USP25: variants seen among roughly 807,000 people sequenced by gnomAD.
USP25 encodes the protein ubiquitin specific peptidase 25.
A neutral mutation model predicts 158.5 loss-of-function variants in USP25; 85 were observed. That is an observed-to-expected ratio of 0.54 (90% CI 0.45 to 0.64). USP25 has a LOEUF of 0.64. Ranked by LOEUF, USP25 falls within the 30% of genes least tolerant of loss-of-function variation. The pLI is 0.00. For missense variants in USP25, 1,242 were observed against 1,327.3 expected, an observed-to-expected ratio of 0.94 and a Z score of 1.00; for synonymous variants, 464 against 460.4, an observed-to-expected ratio of 1.01 and a Z score of -0.10.
At chr21:15,846,146 A>T (rs1568882538) in intron 18 of USP25, among the ~76,000 whole-genome samples, 2 of 59,634 alleles carry the variant, frequency 3.4e-5, no homozygotes, top group African/African-American at 1.2e-4. Context: ...ATATATATAT[A>T]TATATATATA....
chr21:15,847,837 T>C (rs2038700551), intron 19 of USP25, 61 bp downstream of exon 19: 1 of 1,171,144 alleles, frequency 8.5e-7, no homozygotes, highest in African/African-American at 1.5e-5. Flanking sequence ...TACAAATACT[T>C]TGGGCATGCC....
intron 7 of USP25, among the ~76,000 whole-genome samples, chr21:15,807,749 GATCTC>G (rs2036463233): frequency 6.6e-6 from 1 of 152,138 alleles, no homozygotes; most frequent in Non-Finnish European, 1.5e-5. Context: ...AATCCAGGCT[GATCTC>G]ATCTCAAGAT....
At chr21:15,847,525 C>G in intron 18 of USP25, 138 bp from the exon 19 acceptor site, 1 of 579,570 alleles carries the variant, frequency 1.7e-6, no homozygotes, top group East Asian at 2.8e-5. Flanking sequence ...AGTGCATGTG[C>G]GTTGGAACTT....
intron 1 of USP25, among the ~76,000 whole-genome samples, chr21:15,750,214 GTTTTTTTTTT>G (rs35867462): frequency 6.2e-4 from 41 of 65,636 alleles, no homozygotes; most frequent in Non-Finnish European, 1.1e-3. Flanking sequence ...GTGTGTGTAT[GTTTTTTTTTT>G]TTTTTTTTTT....
In USP25 at chr21:15,866,364, G is replaced by C. The variant is rs183177406; in HGVS notation, c.2805+20G>C. On this transcript the variant is annotated intron_variant, in intron 22 of 25. Coordinates refer to ENST00000400183, the MANE Select transcript of USP25 (RefSeq NM_001283041.3). ...TATGAGGTAATGTGCTTTCTTAGAG[G>C]TTAAACTACAGATTTAGGGATTCTG... 1 of 1,558,944 alleles carries C rather than the reference G, an allele frequency of 6.4e-7. No homozygotes were observed. Among genetic ancestry groups the C allele is most frequent in the African/African-American group, 1.4e-5 (1 of 72,548 alleles).
At position 15,766,074 on chromosome 21, in the gene USP25, A is replaced by G. The variant is rs1183743565; in HGVS notation, c.201A>G (p.Thr67=). 4 of 1,611,038 alleles carry G rather than the reference A, an allele frequency of 2.5e-6. No homozygotes were observed. In the African/African-American group the frequency reaches 4.0e-5, roughly 16 times the overall value. The stretch of plus-strand genomic sequence containing the variant: ...CTAAGACCCCTCAGCAGGAGGAGAC[A>G]ACTTACTACCAAACAGCACTTCCTG... ...KNAKTPQQEE[T]TYYQTALPGN... Residue 67 remains threonine, a synonymous_variant, in exon 3 of 26, where the codon ACA becomes ACG. Coordinates refer to ENST00000400183, the MANE Select transcript of USP25 (RefSeq NM_001283041.3). The surrounding 1 kb of genome is among the most constrained non-coding windows in gnomAD (Gnocchi z 4.0).
In USP25 at chr21:15,794,300, G is replaced by A. The variant is rs565697481; in HGVS notation, c.555+2636G>A. Among the ~76,000 whole-genome samples, 6 of 151,710 alleles carry A rather than the reference G, an allele frequency of 4.0e-5. No homozygotes were observed. In the South Asian group the frequency reaches 1.2e-3, roughly 31 times the overall value. On this transcript the variant is annotated intron_variant, in intron 5 of 25. Transcript: ENST00000400183. Reference sequence around the variant, plus strand: ...AAGGGGGAACAGAATGTAAGAAAGGGAATATAAACAAAGAGAAGATTGTAC... The same window carrying A: ...AAGGGGGAACAGAATGTAAGAAAGGAAATATAAACAAAGAGAAGATTGTAC...
rs189333513 is a variant in USP25 at position 15,869,984 on chromosome 21, A to C, written c.2806-84A>C. On this transcript the variant is annotated intron_variant, in intron 22 of 25. Transcript: ENST00000400183. ...ATTTCTATTAATTCAGATAGTAGCG[A>C]AACAGTGCATTACTTTTTGTACAGT... 1,892 of 983,228 alleles carry C rather than the reference A, an allele frequency of 1.9e-3. 3 individuals carry two copies. The highest frequency in any genetic ancestry group is 2.4e-3 in the Non-Finnish European group (1,626 of 671,980). 60.9% of individuals were successfully genotyped at this position (983,228 alleles called of 1,614,324 possible).
chr21:15,810,116 A>G (rs1053125054), intron 8 of USP25, among the ~76,000 whole-genome samples: 6 of 152,260 alleles, frequency 3.9e-5, no homozygotes, highest in African/African-American at 1.4e-4. Context: ...GTACAGTTAA[A>G]GGGTTATGTA....
chr21:15,783,824 G>A (rs2035112654), intron 4 of USP25, among the ~76,000 whole-genome samples: 1 of 151,288 alleles, frequency 6.6e-6, no homozygotes, highest in Non-Finnish European at 1.5e-5. Flanking sequence ...CAAAAAATTA[G>A]CCAGGCATGG....
chr21:15,842,618 C>A, intron 18 of USP25, 78 bp downstream of exon 18: 1 of 1,543,944 alleles, frequency 6.5e-7, no homozygotes, highest in South Asian at 1.3e-5. Context: ...AGGGACCTGT[C>A]AGGGAGTCAG....
intron 18 of USP25, among the ~76,000 whole-genome samples, chr21:15,845,241 G>T (rs963180657): frequency 2.7e-4 from 41 of 152,106 alleles, no homozygotes; most frequent in African/African-American, 9.6e-4. Context: ...TGGATTTCAG[G>T]CAAGTCATAA....
intron 5 of USP25, among the ~76,000 whole-genome samples, chr21:15,795,323 T>C (rs2035807052): frequency 6.6e-6 from 1 of 151,652 alleles, no homozygotes. Flanking sequence ...AGTACTTTGT[T>C]ATCCTGGAGT....
chr21:15,879,909 A>G lies in USP25; in HGVS notation c.*1434A>G, dbSNP rs1296791166. On this transcript the variant is annotated 3_prime_UTR_variant, in exon 26 of 26. Coordinates refer to ENST00000400183, the MANE Select transcript of USP25 (RefSeq NM_001283041.3). ...TGTAAAGTTAGATTTTGCATATTGT[A>G]TCTATCAAAATATGTTTGGGTTTAG... 1 of 152,224 alleles carries G rather than the reference A, an allele frequency of 6.6e-6. No homozygotes were observed. Among genetic ancestry groups the G allele is most frequent in the African/African-American group, 2.4e-5 (1 of 41,462 alleles). The allele number at this position is 152,224 out of a possible 1,614,324, so 9.4% of individuals were successfully genotyped here.
At chr21:15,845,135 C>G (rs7281511) in intron 18 of USP25, among the ~76,000 whole-genome samples, 30,114 of 151,910 alleles carry the variant, frequency 0.2, 4,840 homozygotes, top group African/African-American at 0.45. Flanking sequence ...GAATTACTAG[C>G]TTAAAAGGTA....
At chr21:15,775,668 A>G (rs1019181125) in intron 3 of USP25, among the ~76,000 whole-genome samples, 5 of 150,558 alleles carry the variant, frequency 3.3e-5, no homozygotes, top group Admixed American at 2.7e-4. Context: ...AGCCTGGAAT[A>G]CTGTGGAACA....
chr21:15,866,194 G>C (rs1271625483), intron 21 of USP25, 72 bp from the exon 22 acceptor site: 1 of 964,888 alleles, frequency 1.0e-6, no homozygotes, highest in East Asian at 3.4e-5. Flanking sequence ...TTTTGCTTTT[G>C]ATTTACAAAT....
chr21:15,811,327 A>G, intron 9 of USP25, 117 bp downstream of exon 9: 1 of 933,784 alleles, frequency 1.1e-6, no homozygotes, highest in Non-Finnish European at 1.6e-6. Flanking sequence ...TATTCTGTCT[A>G]GTAATTTTTG....
chr21:15,759,015 G>A (rs1421604616), intron 1 of USP25, among the ~76,000 whole-genome samples: 2 of 151,990 alleles, frequency 1.3e-5, no homozygotes, highest in African/African-American at 2.4e-5. Context: ...TGATTTCCTT[G>A]GGTACTAAGT....
Sources: gnomAD v4.1 joint callset for allele counts (sites outside exome capture counted in the v4.1 genomes callset) on GRCh38, gnomAD v4.1.1 for gene constraint, Gnocchi (gnomAD v3.1) non-coding constraint, MANE v1.5 for transcripts, NCBI Gene and HGNC (gene_info 2026-07-23, HGNC 2026-07-21) for gene names.